Variants in CAPNS1 observed in about 807,000 individuals in gnomAD.
CAPNS1 encodes calpain small subunit 1, also known as CANP small subunit.
A neutral mutation model predicts 39.2 loss-of-function variants in CAPNS1; 32 were observed. The ratio of observed to expected loss-of-function variants is 0.82; its 90% CI spans 0.62 to 1.10. The LOEUF (loss-of-function observed/expected upper bound fraction) is 1.10. Among genes scored for constraint, CAPNS1 ranks in the 50% least tolerant of loss-of-function variants. The pLI is 0.00. For synonymous variants in CAPNS1, 153 were observed against 136.2 expected, an observed-to-expected ratio of 1.12 and a Z score of -0.86; for missense variants, 353 against 373.1, an observed-to-expected ratio of 0.95 and a Z score of 0.44.
At chr19:36,143,632 C>T (rs13345186) in intron 6 of CAPNS1, among the ~76,000 whole-genome samples, 2,262 of 149,842 alleles carry the variant, frequency 0.015, 60 homozygotes, top group African/African-American at 0.053. Flanking sequence ...GAGGCCGAGG[C>T]GGGCGGATCA....
Position 36,150,288 on chromosome 19 carries a change from T to A in CAPNS1, c.*449T>A, listed in dbSNP as rs1568397651. On this transcript the variant is annotated 3_prime_UTR_variant, in exon 11 of 11. Transcript: ENST00000246533. ...AGACCCAGGTGCCCCAGTGCCTTTG[T>A]CTATATTCTGCTCCCAGCCTGCCAG... 6.0e-6 allele frequency: 1 copy of A among 167,786 alleles called. No individual in the cohort carries two copies. Among genetic ancestry groups the A allele is most frequent in the Non-Finnish European group, 1.3e-5 (1 of 78,758 alleles). 10.4% of individuals were successfully genotyped at this position (167,786 alleles called of 1,614,324 possible).
At position 36,145,799 on chromosome 19, in the gene CAPNS1, C is replaced by G; in HGVS notation, c.457-7C>G. ...AGCTGTCACTCTTCTTAACACCCTCCCACCAGAGCGACACCACAGGCAAGC... is the reference window on the plus strand; with the variant it reads ...AGCTGTCACTCTTCTTAACACCCTCGCACCAGAGCGACACCACAGGCAAGC... On this transcript the variant is annotated splice_region_variant and splice_polypyrimidine_tract_variant and intron_variant, in intron 6 of 10. Transcript: ENST00000246533. 6.2e-7 allele frequency: 1 copy of G among 1,613,452 alleles called. No individual in the cohort carries two copies. The highest frequency in any genetic ancestry group is 8.5e-7 in the Non-Finnish European group (1 of 1,179,490).
At position 36,142,904 on chromosome 19, in the gene CAPNS1, C is replaced by T. The variant is rs751032918; in HGVS notation, c.334-5C>T. On this transcript the variant is annotated splice_polypyrimidine_tract_variant and splice_region_variant and intron_variant, in intron 4 of 10. Coordinates refer to ENST00000246533, the MANE Select transcript of CAPNS1 (RefSeq NM_001749.4). ...CCCTGACCTGCCCCTAACTTCCGCC[C>T]GCAGGACATGGAGGTCAGCGCCACA... 12 of 1,614,038 alleles carry T rather than the reference C, an allele frequency of 7.4e-6. No homozygotes were observed. The East Asian group carries it at 8.9e-5, about 12-fold the overall frequency.
At chr19:36,141,260 G>T in intron 2 of CAPNS1, 40 bp downstream of exon 2, 1 of 1,496,166 alleles carries the variant, frequency 6.7e-7, no homozygotes. Context: ...CCTGGGAATG[G>T]GAGGAGCCTC....
At position 36,149,626 on chromosome 19, in the gene CAPNS1, A is replaced by C. The variant is rs1283945070; in HGVS notation, c.770A>C (p.Asn257Thr). ...DKDGTGQIQV[N>T]IQEWLQLTMY... ...GATGGCACTGGACAAATCCAGGTGA[A>C]CATCCAGGAGGTAAGGACCCCCATA... Residue 257 changes from asparagine to threonine, a missense_variant, in exon 10 of 11, where the codon AAC (asparagine) becomes ACC (threonine). Coordinates refer to ENST00000246533, the MANE Select transcript of CAPNS1 (RefSeq NM_001749.4). The C allele has an allele frequency of 6.5e-7, 1 of 1,549,780 alleles. No individual in the cohort carries two copies. Among genetic ancestry groups the C allele is most frequent in the South Asian group, 1.2e-5 (1 of 81,830 alleles).
intron 2 of CAPNS1, 51 bp downstream of exon 2, chr19:36,141,271 A>G (rs763841502): frequency 2.7e-6 from 4 of 1,482,618 alleles, no homozygotes; most frequent in Admixed American, 2.7e-5. Flanking sequence ...GAGGAGCCTC[A>G]GTGAGGCGTG....
rs762231463 is a variant in CAPNS1, at chr19:36,141,215, C to T, written c.204C>T (p.Ala68=). The T allele has an allele frequency of 9.6e-5, 145 of 1,504,062 alleles. No individual in the cohort carries two copies. Among genetic ancestry groups the T allele is most frequent in the Non-Finnish European group, 1.2e-4 (133 of 1,132,832 alleles). 93.2% of individuals were successfully genotyped at this position (1,504,062 alleles called of 1,614,324 possible). ...AMRILGGVIS[A]ISEAAAQYNP... is the part of the protein sequence containing the mutation. ...GCATCCTAGGCGGAGTCATCAGCGCCATCAGGTAAGGCGGAGACTATCAGA... is the reference window on the plus strand; with the variant it reads ...GCATCCTAGGCGGAGTCATCAGCGCTATCAGGTAAGGCGGAGACTATCAGA... The change falls in exon 2 of 11, where the codon GCC becomes GCT. Residue 68 remains alanine (A), a synonymous_variant. Coordinates refer to ENST00000246533, the MANE Select transcript of CAPNS1 (RefSeq NM_001749.4).
chr19:36,142,923 C>T lies in CAPNS1; in HGVS notation c.348C>T (p.Ser116=), dbSNP rs754177544. ...TCCGCCCGCAGGACATGGAGGTCAG[C>T]GCCACAGAACTCATGAACATTCTCA... is the stretch of plus-strand genomic sequence containing the variant. ...AQLAGDDMEV[S]ATELMNILNK... is the part of the protein sequence containing the mutation. Residue 116 remains serine (S), a synonymous_variant, in exon 5 of 11, where the codon AGC becomes AGT. Transcript: ENST00000246533. The T allele has an allele frequency of 6.8e-6, 11 of 1,614,046 alleles. No individual in the cohort carries two copies. The highest frequency in any genetic ancestry group is 4.0e-5 in the African/African-American group (3 of 74,916).
At chr19:36,142,861 C>T in intron 4 of CAPNS1, 48 bp from the exon 5 acceptor site, 1 of 1,607,476 alleles carries the variant, frequency 6.2e-7, no homozygotes, top group South Asian at 1.1e-5. Flanking sequence ...ATGACATTCT[C>T]AGACCCCTTT....
At chr19:36,145,661 C>T in intron 6 of CAPNS1, 145 bp from the exon 7 acceptor site, 2 of 615,076 alleles carry the variant, frequency 3.3e-6, no homozygotes, top group East Asian at 2.7e-5. Flanking sequence ...AATAAAACCG[C>T]ACACCAGGTG....
chr19:36,140,828 G>A (rs1351340192), intron 1 of CAPNS1, 169 bp from the exon 2 acceptor site: 7 of 961,550 alleles, frequency 7.3e-6, no homozygotes, highest in Non-Finnish European at 1.0e-5. Context: ...TTGCAAACCT[G>A]ATCCCCCATA....
chr19:36,142,564 C>CT (rs1974414739), intron 3 of CAPNS1, 88 bp from the exon 4 acceptor site: 2 of 1,051,958 alleles, frequency 1.9e-6, no homozygotes, highest in Non-Finnish European at 2.9e-6. Flanking sequence ...CCAGCCCACT[C>CT]TGACTTCCCC....
chr19:36,140,239 CG>C (rs910300335), intron 1 of CAPNS1, 82 bp downstream of exon 1: 2 of 152,330 alleles, frequency 1.3e-5, no homozygotes, highest in African/African-American at 4.8e-5. Flanking sequence ...CGTGAAGTCT[CG>C]GCCTCAGGAG....
At position 36,140,077 on chromosome 19, in the gene CAPNS1, C is replaced by G. The variant is rs1285039273; in HGVS notation, c.-96C>G. 6.6e-6 allele frequency: 1 copy of G among 152,236 alleles called. No homozygotes were observed. The highest frequency in any genetic ancestry group is 2.4e-5 in the African/African-American group (1 of 41,454). The allele number at this position is 152,236 out of a possible 1,614,324, so 9.4% of individuals were successfully genotyped here. On this transcript the variant is annotated 5_prime_UTR_variant, in exon 1 of 11. Coordinates refer to ENST00000246533, the MANE Select transcript of CAPNS1 (RefSeq NM_001749.4). ...GAGAGTTGCGGCCTGAGTCACCGGC[C>G]CCGCCCTCCGGAGCCGGACGCTGCG...
rs751905831 is a variant in CAPNS1, at chr19:36,141,157, G to T, written c.146G>T (p.Gly49Val). Residue 49 changes from glycine (G) to valine (V), a missense_variant, in exon 2 of 11, where the codon GGT (glycine) becomes GTT (valine). By Grantham distance (109) the Gly-to-Val change is moderately radical. Transcript: ENST00000246533. ...GGCGGCGGCGGCGGCGGCGGCGGTGGTGGAGGCGGCGGTGGCGGTGGAACG... is the reference window on the plus strand; with the variant it reads ...GGCGGCGGCGGCGGCGGCGGCGGTGTTGGAGGCGGCGGTGGCGGTGGAACG... The part of the protein sequence containing the change: ...GGGGGGGGGG[G>V]GGGGGGGTAM... The T allele has an allele frequency of 1.1e-5, 16 of 1,399,820 alleles. No homozygotes were observed. Among genetic ancestry groups the T allele is most frequent in the Non-Finnish European group, 1.5e-5 (16 of 1,080,256 alleles). The allele number at this position is 1,399,820 out of a possible 1,614,324, so 86.7% of individuals were successfully genotyped here.
chr19:36,149,582 C>G lies in CAPNS1; in HGVS notation c.726C>G (p.Ala242=). The change falls in exon 10 of 11, where the codon GCC becomes GCG. Residue 242 remains alanine, a synonymous_variant. Transcript: ENST00000246533. ...CCTCTGCATCTCCTCCTCCAGGTGC[C>G]TTCAAATCTCTTGACAAAGATGGCA... ...CLVRLDAMFR[A]FKSLDKDGTG... The G allele has an allele frequency of 6.7e-7, 1 of 1,486,538 alleles. No individual in the cohort carries two copies. Among genetic ancestry groups the G allele is most frequent in the South Asian group, 1.4e-5 (1 of 71,966 alleles). 92.1% of individuals were successfully genotyped at this position (1,486,538 alleles called of 1,614,324 possible). A position where few individuals can be genotyped will look rare whatever the true frequency, so the allele number is the denominator to read the frequency against.
rs1351406113 is a variant in CAPNS1, at chr19:36,149,855, C to T, written c.*16C>T. The stretch of plus-strand genomic sequence containing the variant: ...GTATTCCTGAACTGGAGCCCCAGAC[C>T]CGCCCCCTCACTGCCTTGCTATAGG... On this transcript the variant is annotated 3_prime_UTR_variant, in exon 11 of 11. Coordinates refer to ENST00000246533, the MANE Select transcript of CAPNS1 (RefSeq NM_001749.4). The T allele has an allele frequency of 2.1e-6, 3 of 1,444,280 alleles. No homozygotes were observed. The highest frequency in any genetic ancestry group is 1.5e-5 in the African/African-American group (1 of 68,742). The allele number at this position is 1,444,280 out of a possible 1,614,324, so 89.5% of individuals were successfully genotyped here.
chr19:36,149,834 T>C lies in CAPNS1; in HGVS notation c.802T>C (p.Ser268Pro). Reference protein sequence around the residue: ...IQEWLQLTMYS With the variant: ...IQEWLQLTMYP ...CCAGTGGCTGCAGCTGACTATGTAT[T>C]CCTGAACTGGAGCCCCAGACCCGCC... The change falls in exon 11 of 11, where the codon TCC becomes CCC. Residue 268 changes from serine to proline, a missense_variant. By Grantham distance (74) the Ser-to-Pro change is moderately conservative. Transcript: ENST00000246533. 1 of 1,472,072 alleles carries C rather than the reference T, an allele frequency of 6.8e-7. No individual in the cohort carries two copies. Among genetic ancestry groups the C allele is most frequent in the Non-Finnish European group, 9.0e-7 (1 of 1,105,692 alleles). 91.2% of individuals were successfully genotyped at this position (1,472,072 alleles called of 1,614,324 possible). A position where few individuals can be genotyped will look rare whatever the true frequency, so the allele number is the denominator to read the frequency against.
At chr19:36,145,516 T>C (rs1397857688) in intron 6 of CAPNS1, 9 of 332,660 alleles carry the variant, frequency 2.7e-5, no homozygotes, top group South Asian at 8.7e-5. Context: ...TTAAGAATTT[T>C]CTGAATGAGC....
Sources: allele counts gnomAD v4.1 joint callset (sites outside exome capture counted in the v4.1 genomes callset), GRCh38; gene constraint gnomAD v4.1.1; transcripts MANE v1.5; gene names NCBI Gene and HGNC (gene_info 2026-07-23, HGNC 2026-07-21).